Variants in NFYA observed in about 807,000 individuals in gnomAD.
The protein encoded by NFYA is CAAT-box DNA binding protein subunit A.
A neutral mutation model predicts 52.8 loss-of-function variants in NFYA; 28 were observed. The observed-to-expected ratio is 0.53, with a 90% CI of 0.39 to 0.73. NFYA has a LOEUF of 0.73. Ranked by LOEUF, NFYA falls within the 30% of genes least tolerant of loss-of-function variation. The pLI, the probability that NFYA is intolerant of heterozygous loss-of-function variation, is 0.00. For missense variants in NFYA, 234 were observed against 427.0 expected (o/e 0.55, Z 3.98); for synonymous variants, 150 against 150.7 (o/e 1.00, Z 0.03).
intron 4 of NFYA, among the ~76,000 whole-genome samples, chr6:41,086,767 A>T (rs1358892038): frequency 6.6e-6 from 1 of 152,200 alleles, no homozygotes; most frequent in Non-Finnish European, 1.5e-5. Flanking sequence ...TTGGCATATA[A>T]TAAAAGTGGT....
Position 41,102,231 on chromosome 6 carries a change from C to T in NFYA, c.*4821C>T, listed in dbSNP as rs941766915. On this transcript the variant is annotated 3_prime_UTR_variant, in exon 10 of 10. Coordinates refer to ENST00000341376, the MANE Select transcript of NFYA (RefSeq NM_002505.5). ...AAAGGGTCATTCCTTTAGCATCATT[C>T]ATCTTTGGTTTCTTCAAGTTGCCAC... 6.6e-6 allele frequency: 1 copy of T among 152,152 alleles called. No homozygotes were observed. The highest frequency in any genetic ancestry group is 2.4e-5 in the African/African-American group (1 of 41,432). The allele number at this position is 152,152 out of a possible 1,614,324, so 9.4% of individuals were successfully genotyped here.
In NFYA at chr6:41,090,278, A is replaced by G. The variant is rs754418661; in HGVS notation, c.516A>G (p.Pro172=). The G allele has an allele frequency of 1.3e-4, 210 of 1,613,866 alleles. 6 individuals are homozygous for G. The South Asian group carries it at 2.3e-3, about 18-fold the overall frequency. ...AAGGGCAGACCATCGTCTATCAACC[A>G]GTTAATGCAGATGGCACCATTCTCC... ...TAEGQTIVYQ[P]VNADGTILQQ... is the part of the protein sequence containing the mutation. Residue 172 remains proline (P), a synonymous_variant, in exon 6 of 10, where the codon CCA becomes CCG. Coordinates refer to ENST00000341376, the MANE Select transcript of NFYA (RefSeq NM_002505.5).
At chr6:41,080,428 A>G (rs1217612164) in intron 2 of NFYA, among the ~76,000 whole-genome samples, 20 of 152,172 alleles carry the variant, frequency 1.3e-4, no homozygotes, top group African/African-American at 4.8e-4. Flanking sequence ...AGAATTTTTT[A>G]TGGTAGTTTC....
chr6:41,078,102 A>T (rs577627906), intron 1 of NFYA, among the ~76,000 whole-genome samples: 14 of 152,176 alleles, frequency 9.2e-5, no homozygotes, highest in Non-Finnish European at 1.5e-4. Context: ...GTCTATTAAC[A>T]TCTTACTATA....
At chr6:41,091,165 T>G (rs1021976036) in intron 6 of NFYA, among the ~76,000 whole-genome samples, 1 of 152,232 alleles carries the variant, frequency 6.6e-6, no homozygotes, top group East Asian at 1.9e-4. Context: ...AAACAAAGTA[T>G]AAGTTTTAAA....
chr6:41,091,596 ACAGGAGCCAATACCAACACAAC>A lies in NFYA; in HGVS notation c.620_641del (p.Gly207AlafsTer9). The A allele has an allele frequency of 6.2e-7, 1 of 1,614,232 alleles. No individual in the cohort carries two copies. The highest frequency in any genetic ancestry group is 8.5e-7 in the Non-Finnish European group (1 of 1,180,034). ...TTTGGCAGGAGCACAGATTGTTCAA[ACAGGAGCCAATACCAACACAAC>A]CAGCAGTGGGCAAGGGACTGTCACT... On this transcript the variant is annotated frameshift_variant, in exon 7 of 10. Coordinates refer to ENST00000341376, the MANE Select transcript of NFYA (RefSeq NM_002505.5). LOFTEE classifies it high-confidence loss of function.
Position 41,079,081 on chromosome 6 carries a change from G to A in NFYA, c.-9G>A. ...TCCAGAGTGGACAGGAATCTCACTT[G>A]GAGGGACCATGGAGCAGTATACAGC... On this transcript the variant is annotated 5_prime_UTR_variant, in exon 2 of 10. Transcript: ENST00000341376. The A allele has an allele frequency of 1.9e-6, 3 of 1,613,900 alleles. No homozygotes were observed. The highest frequency in any genetic ancestry group is 2.5e-6 in the Non-Finnish European group (3 of 1,179,814).
At chr6:41,089,448 G>T in intron 4 of NFYA, 131 bp from the exon 5 acceptor site, 1 of 944,680 alleles carries the variant, frequency 1.1e-6, no homozygotes. Context: ...TCATAATGGA[G>T]GGCAGAGCAG....
chr6:41,097,842 A>C lies in NFYA; in HGVS notation c.*432A>C, dbSNP rs535360885. ...ACAGCATTTATCCCTCTGGTGGGGG[A>C]ATCTCACACTGACTAACTGAATGGA... On this transcript the variant is annotated 3_prime_UTR_variant, in exon 10 of 10. Transcript: ENST00000341376. 27 of 160,312 alleles carry C rather than the reference A, an allele frequency of 1.7e-4. No individual in the cohort carries two copies. The highest frequency in any genetic ancestry group is 8.8e-4 in the South Asian group (5 of 5,674). The allele number at this position is 160,312 out of a possible 1,614,324, so 9.9% of individuals were successfully genotyped here.
At chr6:41,087,434 T>G (rs1227390326) in intron 4 of NFYA, among the ~76,000 whole-genome samples, 3 of 152,180 alleles carry the variant, frequency 2.0e-5, no homozygotes, top group Non-Finnish European at 4.4e-5. Flanking sequence ...ATGTTCTTCT[T>G]TCCAGACCAA....
intron 6 of NFYA, among the ~76,000 whole-genome samples, chr6:41,090,953 A>T (rs992602168): frequency 6.6e-6 from 1 of 152,254 alleles, no homozygotes; most frequent in Non-Finnish European, 1.5e-5. Flanking sequence ...GCAAATTTGC[A>T]ATATACAGGA....
At chr6:41,090,105 C>T (rs1432424751) in intron 5 of NFYA, 99 bp from the exon 6 acceptor site, 8 of 783,130 alleles carry the variant, frequency 1.0e-5, no homozygotes, top group African/African-American at 1.7e-5. Context: ...CAGAGTGAGA[C>T]TCTGTCTCAA....
rs1050815134 is a variant in NFYA, at chr6:41,099,580, G to A, written c.*2170G>A. The stretch of plus-strand genomic sequence containing the variant: ...GCCCACAAAGTGGGGGCAGGGTATT[G>A]ACATTTGGATTTTTTCTTTGATACT... On this transcript the variant is annotated 3_prime_UTR_variant, in exon 10 of 10. Transcript: ENST00000341376. 1.4e-4 allele frequency: 22 copies of A among 152,320 alleles called. No individual in the cohort carries two copies. The highest frequency in any genetic ancestry group is 5.3e-4 in the African/African-American group (22 of 41,570). The allele number at this position is 152,320 out of a possible 1,614,324, so 9.4% of individuals were successfully genotyped here.
chr6:41,094,916 C>A (rs1447744931), intron 9 of NFYA, among the ~76,000 whole-genome samples: 1 of 152,168 alleles, frequency 6.6e-6, no homozygotes, highest in East Asian at 1.9e-4. Context: ...TTTCAAGGAA[C>A]AAGTTTTATT....
In NFYA at chr6:41,100,492, A is replaced by C. The variant is rs936191837; in HGVS notation, c.*3082A>C. On this transcript the variant is annotated 3_prime_UTR_variant, in exon 10 of 10. Coordinates refer to ENST00000341376, the MANE Select transcript of NFYA (RefSeq NM_002505.5). ...TCCGATATGCCATTATCAACACACA[A>C]GAGACAAACAGCCCGAGGAAGCACT... 6.6e-6 allele frequency among the ~76,000 whole-genome samples: 1 copy of C among 151,846 alleles called. No individual in the cohort carries two copies. Among genetic ancestry groups the C allele is most frequent in the African/African-American group, 2.4e-5 (1 of 41,356 alleles).
At chr6:41,094,027 AAAT>A (rs1348044167) in intron 8 of NFYA, among the ~76,000 whole-genome samples, 1 of 152,294 alleles carries the variant, frequency 6.6e-6, no homozygotes, top group South Asian at 2.1e-4. Context: ...TGTTTCTAGA[AAAT>A]AATAATAATA....
intron 8 of NFYA, among the ~76,000 whole-genome samples, chr6:41,093,720 C>T (rs1764262374): frequency 1.3e-5 from 2 of 152,212 alleles, no homozygotes; most frequent in Non-Finnish European, 2.9e-5. Context: ...ATCCACCTGC[C>T]TGGGCCTCCC....
chr6:41,099,621 TTTTA>T lies in NFYA; in HGVS notation c.*2215_*2218del, dbSNP rs1439406308. The T allele has an allele frequency of 1.3e-5, 2 of 152,210 alleles. No individual in the cohort carries two copies. Among genetic ancestry groups the T allele is most frequent in the Non-Finnish European group, 2.9e-5 (2 of 68,042 alleles). 9.4% of individuals were successfully genotyped at this position (152,210 alleles called of 1,614,324 possible). A position where few individuals can be genotyped will look rare whatever the true frequency, so the allele number is the denominator to read the frequency against. On this transcript the variant is annotated 3_prime_UTR_variant, in exon 10 of 10. Coordinates refer to ENST00000341376, the MANE Select transcript of NFYA (RefSeq NM_002505.5). The stretch of plus-strand genomic sequence containing the variant: ...CTTTGATACTAGTTCTTTTATTCAT[TTTTA>T]TTTGTGACTGTAGTGATAACTTTAC...
At chr6:41,087,187 A>G (rs1056259608) in intron 4 of NFYA, among the ~76,000 whole-genome samples, 2 of 152,264 alleles carry the variant, frequency 1.3e-5, no homozygotes. Flanking sequence ...GTTGGTTCAC[A>G]TAACCAGATA....
Sources: gnomAD v4.1 joint callset for allele counts (sites outside exome capture counted in the v4.1 genomes callset) on GRCh38, gnomAD v4.1.1 for gene constraint, MANE v1.5 for transcripts, NCBI Gene and HGNC (gene_info 2026-07-23, HGNC 2026-07-21) for gene names.